FCHSD2: variants seen among roughly 807,000 people sequenced by gnomAD.
The protein encoded by FCHSD2 is F-BAR and double SH3 domains protein 2.
In FCHSD2, 38 loss-of-function variants were observed where a neutral mutation model predicts 108.1. The observed-to-expected ratio is 0.35, with a 90% CI of 0.27 to 0.46. FCHSD2 has a LOEUF of 0.46. Ranked by LOEUF, FCHSD2 falls within the 20% of genes least tolerant of loss-of-function variation. The probability of loss-of-function intolerance (pLI) is 1.00; values close to 1 mark genes in which losing one functional copy is unlikely to be tolerated. For missense variants in FCHSD2, 751 were observed against 897.8 expected (o/e 0.84, Z 2.09); for synonymous variants, 279 against 314.7 (o/e 0.89, Z 1.20).
intron 3 of FCHSD2, among the ~76,000 whole-genome samples, chr11:73,032,371 G>T (rs1395895020): frequency 6.6e-6 from 1 of 151,988 alleles, no homozygotes; most frequent in Non-Finnish European, 1.5e-5. Context: ...TAATATTACA[G>T]GTGTGCATTG....
In FCHSD2 at chr11:73,041,988, G is replaced by A. The variant is rs533351942; in HGVS notation, c.166-26103C>T. 8.1e-4 allele frequency among the ~76,000 whole-genome samples: 123 copies of A among 152,222 alleles called. 1 individual carries two copies. In the South Asian group the frequency reaches 0.022, roughly 27 times the overall value. Reference sequence around the variant, plus strand: ...GTCACCCAGGTTGGAGTGCAGTGGCGCGATCTCAGCTCACTGCAACCTCTG... The same window carrying A: ...GTCACCCAGGTTGGAGTGCAGTGGCACGATCTCAGCTCACTGCAACCTCTG... On this transcript the variant is annotated intron_variant, in intron 3 of 19. Transcript: ENST00000409418.
intron 3 of FCHSD2, among the ~76,000 whole-genome samples, chr11:73,022,726 G>T (rs1858137822): frequency 6.6e-6 from 1 of 152,144 alleles, no homozygotes; most frequent in East Asian, 1.9e-4. Flanking sequence ...AAAGGTATTA[G>T]AATAGCCAAA....
At chr11:72,983,893 A>G in intron 8 of FCHSD2, 195 bp downstream of exon 8, 1 of 673,340 alleles carries the variant, frequency 1.5e-6, no homozygotes, top group East Asian at 2.9e-5. Flanking sequence ...TTGTCTGTAA[A>G]CATTTTCTTA....
chr11:72,957,114 T>A (rs1237997531), intron 8 of FCHSD2, among the ~76,000 whole-genome samples: 2 of 151,300 alleles, frequency 1.3e-5, no homozygotes, highest in East Asian at 3.9e-4. Context: ...ACATGTGCCA[T>A]GCTGGTGCGC....
chr11:73,025,151 G>A (rs1565372979), intron 3 of FCHSD2, among the ~76,000 whole-genome samples: 1 of 152,118 alleles, frequency 6.6e-6, no homozygotes, highest in South Asian at 2.1e-4. Flanking sequence ...CATACCCAAA[G>A]GAATATAAAT....
At chr11:72,868,358 G>A (rs866378328) in intron 12 of FCHSD2, among the ~76,000 whole-genome samples, 2 of 152,108 alleles carry the variant, frequency 1.3e-5, no homozygotes, top group South Asian at 2.1e-4. Flanking sequence ...GTCAGAGGGC[G>A]ATGGGTGGGG....
chr11:73,035,029 G>A (rs1278901054), intron 3 of FCHSD2, among the ~76,000 whole-genome samples: 2 of 152,188 alleles, frequency 1.3e-5, no homozygotes, highest in Non-Finnish European at 2.9e-5. Context: ...CTTCACAGGT[G>A]ATTCTGATAT....
chr11:72,936,570 T>A (rs1856305564), intron 8 of FCHSD2, among the ~76,000 whole-genome samples: 1 of 152,038 alleles, frequency 6.6e-6, no homozygotes, highest in African/African-American at 2.4e-5. Flanking sequence ...AGGCCAGGAG[T>A]TGGAGACCAG....
At chr11:73,025,637 TTAAAA>T (rs1249413645) in intron 3 of FCHSD2, among the ~76,000 whole-genome samples, 1 of 152,126 alleles carries the variant, frequency 6.6e-6, no homozygotes, top group Non-Finnish European at 1.5e-5. Flanking sequence ...ACCCCTGAAC[TTAAAA>T]TAAAAGTTTA....
intron 3 of FCHSD2, among the ~76,000 whole-genome samples, chr11:73,042,409 T>A (rs1306648460): frequency 1.3e-5 from 2 of 152,230 alleles, no homozygotes; most frequent in Admixed American, 1.3e-4. Context: ...TCCATCCCAT[T>A]GTTCTATGTG....
At chr11:72,960,183 A>T (rs1347542312) in intron 8 of FCHSD2, among the ~76,000 whole-genome samples, 2 of 152,108 alleles carry the variant, frequency 1.3e-5, no homozygotes, top group Non-Finnish European at 2.9e-5. Context: ...AAGGCAGAGC[A>T]GGCATGTCAC....
chr11:73,092,828 C>G (rs1859988835), intron 2 of FCHSD2, among the ~76,000 whole-genome samples: 1 of 152,090 alleles, frequency 6.6e-6, no homozygotes, highest in African/African-American at 2.4e-5. Context: ...AAGGATTAAC[C>G]CTACCCAAAG....
chr11:73,088,173 T>A (rs1859868393), intron 2 of FCHSD2, among the ~76,000 whole-genome samples: 1 of 152,202 alleles, frequency 6.6e-6, no homozygotes, highest in Admixed American at 6.5e-5. Flanking sequence ...GCCCAGCCCA[T>A]TTTTTAATCT....
At chr11:73,022,063 C>G (rs900451870) in intron 3 of FCHSD2, among the ~76,000 whole-genome samples, 47 of 152,140 alleles carry the variant, frequency 3.1e-4, no homozygotes, top group South Asian at 8.3e-4. Flanking sequence ...CACTGCACTC[C>G]AGTCTGGGCA....
chr11:73,003,275 T>C (rs1372903881), intron 4 of FCHSD2, among the ~76,000 whole-genome samples: 1 of 152,096 alleles, frequency 6.6e-6, no homozygotes, highest in African/African-American at 2.4e-5. Flanking sequence ...ATAACAAAAA[T>C]ACCTGCACCA....
chr11:72,989,034 C>A lies in FCHSD2; in HGVS notation c.451G>T (p.Gly151Cys), dbSNP rs184438309. 129 of 1,610,924 alleles carry A rather than the reference C, an allele frequency of 8.0e-5. 2 individuals are homozygous for A. In the Admixed American group the frequency reaches 2.0e-3, roughly 25 times the overall value. ...LQETVKDLAK[G>C]KKKYFETEQM... ...TCAGTCTCAAAGTATTTCTTTTTGC[C>A]TTTAGCTAAATCTTTCACTGTCTCT... The change falls in exon 6 of 20, where the codon GGC (glycine) becomes TGC (cysteine). Residue 151 changes from glycine (G) to cysteine (C), a missense_variant. By Grantham distance (159) the Gly-to-Cys change is radical. Transcript: ENST00000409418.
At chr11:72,941,598 G>A (rs1856420267) in intron 8 of FCHSD2, among the ~76,000 whole-genome samples, 1 of 151,982 alleles carries the variant, frequency 6.6e-6, no homozygotes, top group African/African-American at 2.4e-5. Flanking sequence ...AAATAAAAAT[G>A]TTCAATTTGT....
chr11:72,869,011 A>G (rs1259271855), intron 12 of FCHSD2, among the ~76,000 whole-genome samples: 2 of 151,834 alleles, frequency 1.3e-5, no homozygotes, highest in Admixed American at 1.3e-4. Context: ...GGTTCAAGCA[A>G]TTCTCCTGCC....
At chr11:73,044,671 A>G (rs1591508990) in intron 3 of FCHSD2, among the ~76,000 whole-genome samples, 1 of 152,338 alleles carries the variant, frequency 6.6e-6, no homozygotes. Flanking sequence ...TGTGCTAGAT[A>G]CAACATTAAA....
Sources: allele counts gnomAD v4.1 joint callset (sites outside exome capture counted in the v4.1 genomes callset), GRCh38; gene constraint gnomAD v4.1.1; transcripts MANE v1.5; gene names NCBI Gene and HGNC (gene_info 2026-07-23, HGNC 2026-07-21).